Variants in NIM1K observed in about 807,000 individuals in gnomAD.
NIM1K encodes the protein serine/threonine-protein kinase NIM1.
Under a neutral mutation model 37.1 loss-of-function variants are expected in NIM1K, and 35 were observed. The observed-to-expected ratio is 0.94, with a 90% CI of 0.72 to 1.25. The LOEUF is 1.25. Ranked by LOEUF, NIM1K falls within the 50% of genes most tolerant of loss-of-function variation. The probability of loss-of-function intolerance (pLI) is 0.00; values close to 1 mark genes in which losing one functional copy is unlikely to be tolerated. For missense variants in NIM1K, 564 were observed against 548.0 expected (o/e 1.03, Z -0.29); for synonymous variants, 234 against 206.6 (o/e 1.13, Z -1.14).
rs1753427248 is a variant in NIM1K, at chr5:43,280,593, A to ATG, written c.1176_1177insGT (p.Arg393ValfsTer15). On this transcript the variant is annotated frameshift_variant, in exon 4 of 4. Coordinates refer to ENST00000326035, the MANE Select transcript of NIM1K (RefSeq NM_153361.4). LOFTEE classifies it high-confidence loss of function. Reference sequence around the variant, plus strand: ...ACAGGGGTCTATAGAATTATTTTACATAGAGTCCAAAGGAAGAAGGCTTTG... The same window carrying ATG: ...ACAGGGGTCTATAGAATTATTTTACATGTAGAGTCCAAAGGAAGAAGGCTTTG... 1 of 1,614,050 alleles carries ATG rather than the reference A, an allele frequency of 6.2e-7. No homozygotes were observed. Among genetic ancestry groups the ATG allele is most frequent in the African/African-American group, 1.3e-5 (1 of 74,916 alleles).
intron 3 of NIM1K, 61 bp from the exon 4 acceptor site, chr5:43,279,919 T>A: frequency 7.5e-7 from 1 of 1,340,806 alleles, no homozygotes; most frequent in Non-Finnish European, 1.0e-6. Flanking sequence ...GAGCAACTGA[T>A]ACATTTTTTA....
At chr5:43,195,967 T>C (rs112272085) in intron 1 of NIM1K, among the ~76,000 whole-genome samples, 1,888 of 152,346 alleles carry the variant, frequency 0.012, 40 homozygotes, top group Non-Finnish European at 0.014. Context: ...ACTCTTCATC[T>C]TCCACAGAGA....
At chr5:43,198,133 TTC>T (rs1491090267) in intron 1 of NIM1K, among the ~76,000 whole-genome samples, 52 of 37,300 alleles carry the variant, frequency 1.4e-3, no homozygotes, top group East Asian at 8.2e-3. Context: ...CCAATATGAT[TTC>T]TTTCTTTCTT....
intron 1 of NIM1K, among the ~76,000 whole-genome samples, chr5:43,237,893 C>G (rs1370224840): frequency 6.6e-6 from 1 of 151,874 alleles, no homozygotes; most frequent in Non-Finnish European, 1.5e-5. Flanking sequence ...AAACAGAAAC[C>G]ATATGTTTTA....
intron 3 of NIM1K, among the ~76,000 whole-genome samples, chr5:43,278,998 T>G (rs1178601870): frequency 1.3e-5 from 2 of 152,170 alleles, no homozygotes; most frequent in Non-Finnish European, 2.9e-5. Flanking sequence ...GTCTTCCACA[T>G]TCTACTTGGA....
intron 1 of NIM1K, 22 bp from the exon 2 acceptor site, chr5:43,245,060 A>G (rs1752755463): frequency 2.0e-5 from 3 of 152,236 alleles, no homozygotes; most frequent in Non-Finnish European, 4.4e-5. Flanking sequence ...AGGCTAATAA[A>G]TTTCTTACTC....
intron 1 of NIM1K, among the ~76,000 whole-genome samples, chr5:43,235,384 C>T (rs780139843): frequency 6.6e-6 from 1 of 152,192 alleles, no homozygotes; most frequent in Non-Finnish European, 1.5e-5. Context: ...GTTTGAGTCT[C>T]TTAAGCATTT....
At position 43,233,131 on chromosome 5, in the gene NIM1K, T is replaced by C. The variant is rs1752566224; in HGVS notation, c.-694-11951T>C. The C allele has an allele frequency of 9.8e-6, 13 of 1,329,958 alleles. No individual in the cohort carries two copies. In the Admixed American group the frequency reaches 2.2e-4, roughly 22 times the overall value. The allele number at this position is 1,329,958 out of a possible 1,614,324, so 82.4% of individuals were successfully genotyped here. ...GGGCTCCCAGCAGGCATTGCCAACC[T>C]GGACACCAGCCTGGCCAATGAGATG... On this transcript the variant is annotated intron_variant, in intron 1 of 3. Transcript: ENST00000326035.
intron 1 of NIM1K, among the ~76,000 whole-genome samples, chr5:43,237,930 G>A (rs1012670999): frequency 4.6e-5 from 7 of 151,936 alleles, no homozygotes; most frequent in African/African-American, 1.7e-4. Flanking sequence ...ATAGTGTAAC[G>A]GGAAATTCTA....
intron 1 of NIM1K, among the ~76,000 whole-genome samples, chr5:43,217,383 T>A (rs1221216141): frequency 5.3e-5 from 8 of 151,820 alleles, no homozygotes; most frequent in Non-Finnish European, 1.2e-4. Context: ...TGATGAATAT[T>A]GGATTGTTTC....
chr5:43,234,333 ATAT>A (rs1561081895), intron 1 of NIM1K, among the ~76,000 whole-genome samples: 1 of 152,066 alleles, frequency 6.6e-6, no homozygotes, highest in African/African-American at 2.4e-5. Flanking sequence ...CTTATTACAA[ATAT>A]TATATTTTTT....
intron 1 of NIM1K, among the ~76,000 whole-genome samples, chr5:43,199,185 T>C (rs1325947389): frequency 2.3e-4 from 6 of 25,614 alleles, no homozygotes; most frequent in African/African-American, 1.0e-3. Context: ...TGAAGCTCTG[T>C]CTCCAAAAAA....
At chr5:43,262,872 G>T (rs1225153291) in intron 2 of NIM1K, among the ~76,000 whole-genome samples, 1 of 152,070 alleles carries the variant, frequency 6.6e-6, no homozygotes, top group Non-Finnish European at 1.5e-5. Flanking sequence ...TAATCATGTG[G>T]TTTTTGTCTT....
chr5:43,240,789 A>G (rs1439644843), intron 1 of NIM1K, among the ~76,000 whole-genome samples: 1 of 151,520 alleles, frequency 6.6e-6, no homozygotes, highest in African/African-American at 2.4e-5. Flanking sequence ...CACCCACCTC[A>G]GCCTCCCAAA....
chr5:43,252,409 C>T (rs1752878657), intron 2 of NIM1K, among the ~76,000 whole-genome samples: 1 of 152,032 alleles, frequency 6.6e-6, no homozygotes, highest in Non-Finnish European at 1.5e-5. Flanking sequence ...AAATAAATAG[C>T]AGTTTGTACA....
chr5:43,255,799 G>C (rs914661493), intron 2 of NIM1K, among the ~76,000 whole-genome samples: 2 of 150,336 alleles, frequency 1.3e-5, no homozygotes, highest in African/African-American at 2.5e-5. Context: ...GAGATAGAAA[G>C]CATTGAGGAT....
chr5:43,198,175 C>CT (rs1235362706), intron 1 of NIM1K, among the ~76,000 whole-genome samples: 1 of 59,654 alleles, frequency 1.7e-5, no homozygotes, highest in African/African-American at 6.1e-5. Flanking sequence ...TTCTTTCTTT[C>CT]TTTCTTTCTT....
At chr5:43,243,580 C>T (rs1336839673) in intron 1 of NIM1K, among the ~76,000 whole-genome samples, 6 of 152,112 alleles carry the variant, frequency 3.9e-5, no homozygotes, top group Middle Eastern at 3.4e-3. Flanking sequence ...AATTCCAGCA[C>T]TTTGGGAGGT....
At chr5:43,247,530 C>A (rs931377926) in intron 2 of NIM1K, among the ~76,000 whole-genome samples, 1 of 152,164 alleles carries the variant, frequency 6.6e-6, no homozygotes, top group Non-Finnish European at 1.5e-5. Flanking sequence ...CCATAGTTTT[C>A]AACTGACTGC....
Sources: allele counts gnomAD v4.1 joint callset (sites outside exome capture counted in the v4.1 genomes callset), GRCh38; gene constraint gnomAD v4.1.1; transcripts MANE v1.5; gene names NCBI Gene and HGNC (gene_info 2026-07-23, HGNC 2026-07-21).